PVT1: variants seen among roughly 807,000 people sequenced by gnomAD.
The protein encoded by PVT1 is Pvt1 oncogene.
chr8:127,869,157 G>A (rs1049240726), intron 2 of PVT1, among the ~76,000 whole-genome samples: 1 of 151,976 alleles, frequency 6.6e-6, no homozygotes, highest in East Asian at 1.9e-4. Context: ...TTGAGATGGA[G>A]TCTCGCTCTG....
chr8:128,081,369 T>A (rs577264541), intron 5 of PVT1, among the ~76,000 whole-genome samples: 16 of 152,346 alleles, frequency 1.1e-4, no homozygotes, highest in Non-Finnish European at 2.1e-4. Context: ...CATAGGTTTT[T>A]GTGGGAAGAG....
At chr8:128,072,824 TTTATTTTTATTTTTA>T (rs1364216650) in intron 5 of PVT1, among the ~76,000 whole-genome samples, 1 of 151,844 alleles carries the variant, frequency 6.6e-6, no homozygotes, top group African/African-American at 2.4e-5. Context: ...TTTATTTTAT[TTTATTTTTATTTTTA>T]TTATTTTTAT....
intron 2 of PVT1, among the ~76,000 whole-genome samples, chr8:127,838,248 T>C (rs1284072710): frequency 6.6e-6 from 1 of 152,178 alleles, no homozygotes; most frequent in Non-Finnish European, 1.5e-5. Flanking sequence ...TGATTATATA[T>C]CACATCACAA....
chr8:127,965,671 A>G (rs747104836), intron 3 of PVT1, among the ~76,000 whole-genome samples: 9 of 152,188 alleles, frequency 5.9e-5, no homozygotes, highest in Non-Finnish European at 1.0e-4. Context: ...AGTTATTTAG[A>G]GAAGGCGGCT....
At chr8:127,841,790 A>G (rs1586402403) in intron 2 of PVT1, among the ~76,000 whole-genome samples, 1 of 151,932 alleles carries the variant, frequency 6.6e-6, no homozygotes, top group Non-Finnish European at 1.5e-5. Flanking sequence ...CAGTGGCACA[A>G]TCTTGGCTCA....
chr8:127,894,814 GGCCAC>G (rs750672680), intron 3 of PVT1, among the ~76,000 whole-genome samples: 2 of 152,202 alleles, frequency 1.3e-5, no homozygotes, highest in Non-Finnish European at 2.9e-5. Context: ...GTGTGGCTCT[GGCCAC>G]GCCACTGGAG....
chr8:127,900,373 A>G (rs1815743519), intron 3 of PVT1, among the ~76,000 whole-genome samples: 1 of 152,158 alleles, frequency 6.6e-6, no homozygotes, highest in African/African-American at 2.4e-5. Flanking sequence ...TTTAAAAAAA[A>G]AAATAGATAA....
At position 127,898,167 on chromosome 8, in the gene PVT1, G is replaced by T. The variant is rs577003682; in HGVS notation, n.782+7169G>T. 1.3e-5 allele frequency among the ~76,000 whole-genome samples: 2 copies of T among 151,158 alleles called. No individual in the cohort carries two copies. The highest frequency in any genetic ancestry group is 4.8e-5 in the African/African-American group (2 of 41,238). On this transcript the variant is annotated intron_variant and non_coding_transcript_variant, in intron 3 of 10. Coordinates refer to ENST00000651587, the Ensembl canonical transcript of PVT1. The surrounding 1 kb of genome is among the most constrained non-coding windows in gnomAD (Gnocchi z 4.4). Reference sequence around the variant, plus strand: ...ATTATTCTGTCCTCTGAACCTGAGTGAAGAAATATACTCTGTCCTTTGTAC... The same window carrying T: ...ATTATTCTGTCCTCTGAACCTGAGTTAAGAAATATACTCTGTCCTTTGTAC...
chr8:128,053,483 G>A (rs1293906917), intron 4 of PVT1, among the ~76,000 whole-genome samples: 2 of 150,340 alleles, frequency 1.3e-5, no homozygotes, highest in Non-Finnish European at 1.5e-5. Context: ...AATATATATA[G>A]GTATTATTAT....
chr8:127,807,256 G>A (rs1482716523), intron 2 of PVT1, among the ~76,000 whole-genome samples: 1 of 152,174 alleles, frequency 6.6e-6, no homozygotes, highest in Admixed American at 6.5e-5. Context: ...CATCATCTGG[G>A]GAGAGAAGGG....
intron 2 of PVT1, among the ~76,000 whole-genome samples, chr8:127,855,510 C>T (rs1325078785): frequency 6.6e-6 from 1 of 152,170 alleles, no homozygotes; most frequent in Non-Finnish European, 1.5e-5. Flanking sequence ...TTCTGCTGGC[C>T]CTGGCAGACA....
At chr8:128,040,977 G>A (rs1338342463) in intron 4 of PVT1, among the ~76,000 whole-genome samples, 1 of 151,366 alleles carries the variant, frequency 6.6e-6, no homozygotes, top group South Asian at 2.1e-4. Context: ...GCATATGTTT[G>A]TGTGTGCTTG....
rs114622558 is a variant in PVT1 at position 127,997,505 on chromosome 8, G to A, written n.912+8214G>A. Among the ~76,000 whole-genome samples, 577 of 152,274 alleles carry A rather than the reference G, an allele frequency of 3.8e-3. 2 individuals carry two copies. The highest frequency in any genetic ancestry group is 0.013 in the African/African-American group (561 of 41,558). ...ATGGGAGCAGGGTAAGATAGTCACC[G>A]TGTGGAGCAAAAATTGAAGGAAATA... On this transcript the variant is annotated intron_variant and non_coding_transcript_variant, in intron 4 of 10. Transcript: ENST00000651587.
At chr8:128,018,305 A>G (rs1817396853) in intron 4 of PVT1, among the ~76,000 whole-genome samples, 1 of 152,242 alleles carries the variant, frequency 6.6e-6, no homozygotes, top group African/African-American at 2.4e-5. Context: ...TGTCATGATT[A>G]GCTGCTCTGT....
At chr8:128,064,813 C>T (rs1035112926) in intron 4 of PVT1, among the ~76,000 whole-genome samples, 6 of 152,156 alleles carry the variant, frequency 3.9e-5, no homozygotes, top group Admixed American at 2.6e-4. Context: ...TTGTCAAGTT[C>T]GCCTCAACTT....
At chr8:128,016,042 C>A (rs1817370179) in intron 4 of PVT1, among the ~76,000 whole-genome samples, 2 of 152,078 alleles carry the variant, frequency 1.3e-5, no homozygotes, top group Admixed American at 6.5e-5. Flanking sequence ...CTTTGGGAAG[C>A]CAAGGTGGGA....
intron 1 of PVT1, chr8:127,794,786 C>T (rs1424844062): frequency 1.3e-5 from 2 of 153,556 alleles, no homozygotes; most frequent in African/African-American, 4.8e-5. Context: ...AGACTTGGCC[C>T]TGAGTAGGGA....
At chr8:128,008,640 A>T (rs1475596314) in intron 4 of PVT1, among the ~76,000 whole-genome samples, 1 of 152,224 alleles carries the variant, frequency 6.6e-6, no homozygotes. Flanking sequence ...CTTCTCTCTG[A>T]CATGATGTCT....
chr8:127,898,967 C>T lies in PVT1; in HGVS notation n.782+7969C>T, dbSNP rs13260853. Among the ~76,000 whole-genome samples, 36,178 of 151,990 alleles carry T rather than the reference C, an allele frequency of 0.24. 5,197 individuals are homozygous for T. The highest frequency in any genetic ancestry group is 0.37 in the Middle Eastern group (109 of 294). ...CCCCGTTGACTTATCTGGCTCCAAC[C>T]GAAGAACAGCTGTTGGTGGTCAGGT... On this transcript the variant is annotated intron_variant and non_coding_transcript_variant, in intron 3 of 10. Coordinates refer to ENST00000651587, the Ensembl canonical transcript of PVT1. This position sits in a 1 kb window ranked among gnomAD's most constrained non-coding sequence, Gnocchi z 4.4.
Sources: gnomAD v4.1 joint callset for allele counts (sites outside exome capture counted in the v4.1 genomes callset) on GRCh38, gnomAD v4.1.1 for gene constraint, Gnocchi (gnomAD v3.1) non-coding constraint, MANE v1.5 for transcripts, NCBI Gene and HGNC (gene_info 2026-07-23, HGNC 2026-07-21) for gene names.